CPED1: variants seen among roughly 807,000 people sequenced by gnomAD.
CPED1 encodes the protein cadherin-like and PC-esterase domain-containing protein 1.
Under a neutral mutation model 128.2 loss-of-function variants are expected in CPED1, and 114 were observed. That is an observed-to-expected ratio of 0.89 (90% CI 0.76 to 1.04). CPED1 has a LOEUF of 1.04. Ranked by LOEUF, CPED1 falls within the 50% of genes least tolerant of loss-of-function variation. The pLI is 0.00. For synonymous variants in CPED1, 462 were observed against 426.7 expected, an observed-to-expected ratio of 1.08 and a Z score of -1.02; for missense variants, 1,211 against 1,207.1, an observed-to-expected ratio of 1.00 and a Z score of -0.05.
At chr7:121,035,199 C>T (rs1237988311) in intron 3 of CPED1, among the ~76,000 whole-genome samples, 1 of 152,084 alleles carries the variant, frequency 6.6e-6, no homozygotes, top group East Asian at 1.9e-4. Context: ...AGTAGATGTG[C>T]AGGGACTTGG....
intron 11 of CPED1, among the ~76,000 whole-genome samples, chr7:121,129,342 T>G: frequency 7.2e-6 from 1 of 139,422 alleles, no homozygotes; most frequent in Non-Finnish European, 1.6e-5. Context: ...TATACGTATA[T>G]ATATATATAC....
chr7:121,229,319 G>C (rs1798085742), intron 16 of CPED1, among the ~76,000 whole-genome samples: 1 of 151,990 alleles, frequency 6.6e-6, no homozygotes, highest in Non-Finnish European at 1.5e-5. Context: ...GGCCATATTT[G>C]AATATCTCCT....
At chr7:121,268,945 C>T (rs2116751529) in intron 21 of CPED1, among the ~76,000 whole-genome samples, 1 of 152,040 alleles carries the variant, frequency 6.6e-6, no homozygotes, top group Admixed American at 6.6e-5. Context: ...TCATGTCAGT[C>T]ATATACTCCT....
At chr7:121,022,107 T>G (rs1231132591) in intron 3 of CPED1, among the ~76,000 whole-genome samples, 2 of 152,078 alleles carry the variant, frequency 1.3e-5, no homozygotes, top group Non-Finnish European at 2.9e-5. Context: ...CTTTTATGCT[T>G]ATCATTTATA....
chr7:121,029,214 T>G (rs1316681578), intron 3 of CPED1, among the ~76,000 whole-genome samples: 3 of 152,150 alleles, frequency 2.0e-5, no homozygotes, highest in Non-Finnish European at 4.4e-5. Flanking sequence ...TTAGCATAGA[T>G]TTCTGAAATT....
chr7:121,202,722 T>C (rs1797425478), intron 16 of CPED1, among the ~76,000 whole-genome samples: 1 of 152,090 alleles, frequency 6.6e-6, no homozygotes, highest in Non-Finnish European at 1.5e-5. Flanking sequence ...ACACAGCACC[T>C]TGCAGTAGTG....
rs1795949366 is a variant in CPED1 at position 121,143,443 on chromosome 7, A to G, written c.2055+1302A>G. 2.0e-5 allele frequency among the ~76,000 whole-genome samples: 3 copies of G among 152,036 alleles called. No individual in the cohort carries two copies. The South Asian group carries it at 6.2e-4, about 32-fold the overall frequency. On this transcript the variant is annotated intron_variant, in intron 16 of 22. Coordinates refer to ENST00000310396, the MANE Select transcript of CPED1 (RefSeq NM_024913.5). The stretch of plus-strand genomic sequence containing the variant: ...AGCTATTGATATTTTTGTGGGACAG[A>G]TTTGAGGAAACACTGGTCTACACTA...
intron 16 of CPED1, among the ~76,000 whole-genome samples, chr7:121,172,120 T>A (rs1302945426): frequency 6.6e-6 from 1 of 152,170 alleles, no homozygotes; most frequent in Non-Finnish European, 1.5e-5. Flanking sequence ...CACTCACAGA[T>A]CACATCCCCT....
intron 14 of CPED1, among the ~76,000 whole-genome samples, chr7:121,139,450 G>A (rs1411834992): frequency 1.3e-5 from 2 of 151,292 alleles, no homozygotes; most frequent in African/African-American, 4.9e-5. Flanking sequence ...CAGAGACCTA[G>A]TCCCCAGAAC....
intron 18 of CPED1, among the ~76,000 whole-genome samples, chr7:121,255,151 A>C (rs1236909632): frequency 6.6e-6 from 1 of 152,104 alleles, no homozygotes; most frequent in East Asian, 1.9e-4. Context: ...ATAGATGCAA[A>C]GATTCTCAAC....
intron 7 of CPED1, among the ~76,000 whole-genome samples, chr7:121,123,914 A>G (rs1369249579): frequency 6.6e-6 from 1 of 152,168 alleles, no homozygotes; most frequent in African/African-American, 2.4e-5. Context: ...TTTCAAATAC[A>G]TTTTCTTCTA....
chr7:121,159,413 GT>G (rs1437262634), intron 16 of CPED1, among the ~76,000 whole-genome samples: 1 of 152,084 alleles, frequency 6.6e-6, no homozygotes, highest in African/African-American at 2.4e-5. Flanking sequence ...TTGATCAGAA[GT>G]TTTTGTTTTT....
intron 4 of CPED1, 107 bp from the exon 5 acceptor site, chr7:121,064,131 T>C (rs1793760932): frequency 1.4e-6 from 1 of 735,208 alleles, no homozygotes; most frequent in African/African-American, 1.7e-5. Context: ...TGTGGGTGGT[T>C]TAGACAGTGC....
At chr7:121,063,687 T>A (rs1284041349) in intron 4 of CPED1, among the ~76,000 whole-genome samples, 1 of 152,184 alleles carries the variant, frequency 6.6e-6, no homozygotes, top group Non-Finnish European at 1.5e-5. Flanking sequence ...ATTTGTAGAT[T>A]CACAGGAGAA....
intron 18 of CPED1, among the ~76,000 whole-genome samples, chr7:121,252,719 A>G (rs954646527): frequency 1.6e-4 from 24 of 152,216 alleles, no homozygotes; most frequent in African/African-American, 5.5e-4. Flanking sequence ...AAAAATGCTC[A>G]TCATCACTGG....
At chr7:121,014,422 G>A (rs1489755359) in intron 2 of CPED1, among the ~76,000 whole-genome samples, 6 of 151,836 alleles carry the variant, frequency 4.0e-5, no homozygotes, top group Non-Finnish European at 5.9e-5. Flanking sequence ...GTGGTGGCGG[G>A]TGCCTGTAGT....
intron 7 of CPED1, among the ~76,000 whole-genome samples, chr7:121,103,085 A>G (rs1794892993): frequency 6.6e-6 from 1 of 152,258 alleles, no homozygotes; most frequent in South Asian, 2.1e-4. Context: ...TTATTTATGT[A>G]TTTCCTGAAA....
rs57952546 is a variant in CPED1, at chr7:121,075,928, A to G, written c.616+11615A>G. 6.3e-3 allele frequency among the ~76,000 whole-genome samples: 962 copies of G among 152,290 alleles called. 11 individuals are homozygous for G. The highest frequency in any genetic ancestry group is 0.022 in the African/African-American group (918 of 41,572). On this transcript the variant is annotated intron_variant, in intron 5 of 22. Coordinates refer to ENST00000310396, the MANE Select transcript of CPED1 (RefSeq NM_024913.5). ...TATATTTATTGAAAAAACAATCTACATATTAGTGAACCCATGCAGTTCAAA... is the reference window on the plus strand; with the variant it reads ...TATATTTATTGAAAAAACAATCTACGTATTAGTGAACCCATGCAGTTCAAA...
intron 16 of CPED1, among the ~76,000 whole-genome samples, chr7:121,182,465 C>T (rs929502557): frequency 2.0e-5 from 3 of 151,684 alleles, no homozygotes; most frequent in Non-Finnish European, 4.4e-5. Context: ...CTTTTCTTCC[C>T]TTTCTTTCTT....
Sources: gnomAD v4.1 joint callset for allele counts (sites outside exome capture counted in the v4.1 genomes callset) on GRCh38, gnomAD v4.1.1 for gene constraint, MANE v1.5 for transcripts, NCBI Gene and HGNC (gene_info 2026-07-23, HGNC 2026-07-21) for gene names.